ATL3: variants seen among roughly 807,000 people sequenced by gnomAD.
ATL3 encodes the protein atlastin-3.
A neutral mutation model predicts 69.5 loss-of-function variants in ATL3; 49 were observed. That is an observed-to-expected ratio of 0.71 (90% CI 0.56 to 0.89). The LOEUF (loss-of-function observed/expected upper bound fraction) is 0.89. Among genes scored for constraint, ATL3 ranks in the 40% least tolerant of loss-of-function variants. The pLI is 0.00. For synonymous variants in ATL3, 214 were observed against 224.1 expected, an observed-to-expected ratio of 0.95 and a Z score of 0.40; for missense variants, 606 against 645.7, an observed-to-expected ratio of 0.94 and a Z score of 0.67.
In ATL3 at chr11:63,628,399, A is replaced by G. The variant is rs771536221; in HGVS notation, c.*920T>C. ...AAAACCTCACATTTCAGAGTATGGT[A>G]TATTTAAATATGACATGATTTTTCC... On this transcript the variant is annotated 3_prime_UTR_variant, in exon 13 of 13. Transcript: ENST00000398868. The G allele has an allele frequency of 5.3e-5, 8 of 151,858 alleles. No homozygotes were observed. Among genetic ancestry groups the G allele is most frequent in the African/African-American group, 9.7e-5 (4 of 41,358 alleles). 9.4% of individuals were successfully genotyped at this position (151,858 alleles called of 1,614,324 possible). A position where few individuals can be genotyped will look rare whatever the true frequency, so the allele number is the denominator to read the frequency against.
intron 3 of ATL3, among the ~76,000 whole-genome samples, chr11:63,654,485 C>T (rs1940179579): frequency 6.6e-6 from 1 of 152,062 alleles, no homozygotes; most frequent in African/African-American, 2.4e-5. Flanking sequence ...GCAACCTCCA[C>T]CTCCCAGGTC....
At chr11:63,631,764 T>C (rs1669433906) in intron 11 of ATL3, among the ~76,000 whole-genome samples, 1 of 152,136 alleles carries the variant, frequency 6.6e-6, no homozygotes, top group Non-Finnish European at 1.5e-5. Flanking sequence ...GGCAGATCAC[T>C]TGAGGTCAGG....
intron 1 of ATL3, among the ~76,000 whole-genome samples, chr11:63,661,059 A>T (rs1337527562): frequency 6.6e-6 from 1 of 151,250 alleles, no homozygotes; most frequent in African/African-American, 2.4e-5. Flanking sequence ...ATAAAAATAC[A>T]GAAAAAAAAA....
chr11:63,671,758 C>T (rs1326121484), upstream of ATL3: 2 of 1,196,832 alleles, frequency 1.7e-6, no homozygotes, highest in East Asian at 8.4e-5. Context: ...GGTTCTCCGA[C>T]GACTGAACTA....
chr11:63,637,182 C>G (rs1939546759), intron 8 of ATL3, among the ~76,000 whole-genome samples: 1 of 151,178 alleles, frequency 6.6e-6, no homozygotes, highest in Non-Finnish European at 1.5e-5. Flanking sequence ...GAGGCTGAAG[C>G]AGAGAATAGC....
Position 63,629,343 on chromosome 11 carries a change from T to C in ATL3, c.1602A>G (p.Pro534=), listed in dbSNP as rs759000213. 6.2e-7 allele frequency: 1 copy of C among 1,614,144 alleles called. No homozygotes were observed. The highest frequency in any genetic ancestry group is 8.5e-7 in the Non-Finnish European group (1 of 1,179,958). ...GCTATTGAGCTTTTTTATCCATGGATGGTCTTCCAACAACTGCATCCCTCA... is the reference window on the plus strand; with the variant it reads ...GCTATTGAGCTTTTTTATCCATGGACGGTCTTCCAACAACTGCATCCCTCA... ...ATVRDAVVGR[P]SMDKKAQ is the part of the protein sequence containing the mutation. Residue 534 remains proline, a synonymous_variant, in exon 13 of 13, where the codon CCA becomes CCG. Coordinates refer to ENST00000398868, the MANE Select transcript of ATL3 (RefSeq NM_015459.5).
At chr11:63,650,767 T>G (rs373369601) in intron 5 of ATL3, 30 of 152,186 alleles carry the variant, frequency 2.0e-4, no homozygotes, top group African/African-American at 7.0e-4. Flanking sequence ...CGAAAAATGG[T>G]TGAAAGGAAG....
In ATL3 at chr11:63,647,658, T is replaced by C. The variant is rs187091903; in HGVS notation, c.562-1095A>G. On this transcript the variant is annotated intron_variant, in intron 5 of 12. Transcript: ENST00000398868. ...AGCAGCAAGAAAAGTATTAGGCCCA[T>C]AATATTTATGTCATTCAAATGACTG... is the stretch of plus-strand genomic sequence containing the variant. Among the ~76,000 whole-genome samples, 15 of 152,348 alleles carry C rather than the reference T, an allele frequency of 9.8e-5. No individual in the cohort carries two copies. The East Asian group carries it at 2.3e-3, about 23-fold the overall frequency.
upstream of ATL3, chr11:63,671,775 C>A: frequency 5.1e-6 from 6 of 1,168,604 alleles, no homozygotes; most frequent in Non-Finnish European, 6.5e-6. Flanking sequence ...ACTACAACTC[C>A]CAGCAGGCTG....
upstream of ATL3, chr11:63,671,593 C>A: frequency 1.4e-6 from 2 of 1,424,486 alleles, no homozygotes; most frequent in Non-Finnish European, 1.8e-6. Context: ...GGCAGAATCC[C>A]GCCACCGCCT....
At chr11:63,630,823 G>A (rs1195969613) in intron 12 of ATL3, among the ~76,000 whole-genome samples, 1 of 150,366 alleles carries the variant, frequency 6.7e-6, no homozygotes, top group Admixed American at 6.6e-5. Flanking sequence ...AAAAAGCGGG[G>A]CGGGGGCCTT....
chr11:63,671,196 G>T, intron 1 of ATL3, 94 bp downstream of exon 1: 1 of 1,455,938 alleles, frequency 6.9e-7, no homozygotes. Context: ...GGACGAGGAA[G>T]GGCGGCGGCG....
intron 11 of ATL3, chr11:63,632,438 G>C (rs1939352032): frequency 1.2e-6 from 1 of 835,118 alleles, no homozygotes. Flanking sequence ...ATTGCAAAAA[G>C]CCCAAGTGAT....
chr11:63,671,755 C>G (rs746842058), upstream of ATL3: 3 of 1,200,774 alleles, frequency 2.5e-6, no homozygotes, highest in Non-Finnish European at 3.2e-6. Context: ...CGTGGTTCTC[C>G]GACGACTGAA....
intron 6 of ATL3, among the ~76,000 whole-genome samples, chr11:63,645,417 T>C (rs959566829): frequency 1.3e-5 from 2 of 151,270 alleles, no homozygotes; most frequent in African/African-American, 4.9e-5. Flanking sequence ...AAAAATAAAT[T>C]AGAAAAGAAA....
chr11:63,661,583 G>A (rs1190306137), intron 1 of ATL3, among the ~76,000 whole-genome samples: 1 of 146,312 alleles, frequency 6.8e-6, no homozygotes, highest in Non-Finnish European at 1.5e-5. Context: ...GTCTTAAAGA[G>A]AAGAGAAGAG....
intron 1 of ATL3, among the ~76,000 whole-genome samples, chr11:63,662,660 GGA>G (rs1184048753): frequency 6.6e-6 from 1 of 151,938 alleles, no homozygotes; most frequent in Non-Finnish European, 1.5e-5. Context: ...TTGTATTTTT[GGA>G]GAGACAGTGT....
At chr11:63,671,871 A>C, upstream of ATL3, 2 of 478,080 alleles carry the variant, frequency 4.2e-6, no homozygotes, top group Non-Finnish European at 6.1e-6. Context: ...CCGAGGCTTT[A>C]TCCTGGAACC....
At chr11:63,669,010 T>TTG (rs1565286337) in intron 1 of ATL3, among the ~76,000 whole-genome samples, 3 of 102,534 alleles carry the variant, frequency 2.9e-5, no homozygotes, top group African/African-American at 1.1e-4. Context: ...AATTTTTTTT[T>TTG]GGGTGGGGGG....
Sources: gnomAD v4.1 joint callset for allele counts (sites outside exome capture counted in the v4.1 genomes callset) on GRCh38, gnomAD v4.1.1 for gene constraint, MANE v1.5 for transcripts, NCBI Gene and HGNC (gene_info 2026-07-23, HGNC 2026-07-21) for gene names.